Variants in LYSMD1 observed in about 807,000 individuals in gnomAD.
LYSMD1 encodes lysM and putative peptidoglycan-binding domain-containing protein 1.
A neutral mutation model predicts 19.3 loss-of-function variants in LYSMD1; 9 were observed. The ratio of observed to expected loss-of-function variants is 0.47; its 90% confidence interval spans 0.28 to 0.81. The LOEUF is 0.81. Among genes scored for constraint, LYSMD1 ranks in the 40% least tolerant of loss-of-function variants. LYSMD1 has a pLI of 0.11. For missense variants in LYSMD1, 262 were observed against 279.8 expected (o/e 0.94, Z 0.45); for synonymous variants, 111 against 111.7 (o/e 0.99, Z 0.04).
At chr1:151,156,155 G>A (rs1159952290), downstream of LYSMD1, among the ~76,000 whole-genome samples, 11 of 142,076 alleles carry the variant, frequency 7.7e-5, no homozygotes, top group Admixed American at 1.4e-4. Flanking sequence ...GTTCCTCTAC[G>A]CTAGTGATTC....
chr1:151,153,740 G>A, the LYSMD1 span, among the ~76,000 whole-genome samples: 1 of 151,668 alleles, frequency 6.6e-6, no homozygotes, highest in South Asian at 2.1e-4. Context: ...GGATCACGAT[G>A]TCAGGAGTTC....
chr1:151,157,493 G>T (rs1558198139), downstream of LYSMD1, among the ~76,000 whole-genome samples: 1 of 152,172 alleles, frequency 6.6e-6, no homozygotes, highest in Non-Finnish European at 1.5e-5. Flanking sequence ...CACCAAGAGG[G>T]TCCTGAGTTC....
At position 151,163,810 on chromosome 1, in the gene LYSMD1, G is replaced by A. The variant is rs587715403; in HGVS notation, c.180+1269C>T. ...CCCAAAGTGCTGGGATTACAGGCAT[G>A]AGCCACCACGCCTGGCCCACCACAG... On this transcript the variant is annotated intron_variant, in intron 1 of 2. Transcript: ENST00000368908. Among the ~76,000 whole-genome samples the A allele has an allele frequency of 2.0e-5, 3 of 152,188 alleles. No individual in the cohort carries two copies. The South Asian group carries it at 6.2e-4, about 32-fold the overall frequency.
downstream of LYSMD1, among the ~76,000 whole-genome samples, chr1:151,154,896 G>A (rs111822515): frequency 5.8e-4 from 88 of 152,124 alleles, no homozygotes; most frequent in Admixed American, 1.3e-3. Context: ...CGCCCACCTC[G>A]GTGTCCCAAA....
the LYSMD1 span, among the ~76,000 whole-genome samples, chr1:151,153,339 A>C: frequency 6.6e-6 from 1 of 152,238 alleles, no homozygotes; most frequent in South Asian, 2.1e-4. Flanking sequence ...AGCCTGGGCA[A>C]GATAGCAAGA....
At chr1:151,149,702 G>A in the LYSMD1 span, among the ~76,000 whole-genome samples, 5 of 152,078 alleles carry the variant, frequency 3.3e-5, no homozygotes, top group African/African-American at 1.2e-4. Flanking sequence ...AGTGAGCCGA[G>A]ATCGCACCAC....
chr1:151,150,263 G>T, the LYSMD1 span, among the ~76,000 whole-genome samples: 1 of 152,136 alleles, frequency 6.6e-6, no homozygotes, highest in African/African-American at 2.4e-5. Flanking sequence ...GTCTTAACCT[G>T]TCCTTTTCTA....
At chr1:151,159,211 T>G (rs1213877382), downstream of LYSMD1, 5 of 1,613,934 alleles carry the variant, frequency 3.1e-6, no homozygotes, top group Non-Finnish European at 4.2e-6. Context: ...TGGCAAGATC[T>G]GTGACGGACT....
chr1:151,160,939 G>C lies in LYSMD1; in HGVS notation c.627C>G (p.Thr209=). ...GTAGTGTCCGGGTCCGAGAGGTACG[G>C]GTCAGCGGCACAGGACCTAGGACTG... ...QRAVLGPVPL[T]RTSRTRTLRD... The change falls in exon 3 of 3, where the codon ACC becomes ACG. Residue 209 remains threonine (T), a synonymous_variant. Transcript: ENST00000368908. The C allele has an allele frequency of 1.2e-6, 2 of 1,614,174 alleles. No homozygotes were observed.
the LYSMD1 span, among the ~76,000 whole-genome samples, chr1:151,151,277 C>T: frequency 6.6e-6 from 1 of 151,746 alleles, no homozygotes; most frequent in Non-Finnish European, 1.5e-5. Flanking sequence ...GCAAGTTCCG[C>T]CTCCCGGGTT....
downstream of LYSMD1, among the ~76,000 whole-genome samples, chr1:151,158,459 G>A (rs1052023405): frequency 3.9e-5 from 6 of 151,920 alleles, no homozygotes; most frequent in African/African-American, 9.7e-5. Context: ...CGGGGCTATC[G>A]CCACTCCCGT....
chr1:151,163,878 TTGTGTGTGTG>T (rs57906452), intron 1 of LYSMD1, among the ~76,000 whole-genome samples: 12,378 of 141,994 alleles, frequency 0.087, 601 homozygotes, highest in African/African-American at 0.14. Context: ...TTTCCTATCT[TTGTGTGTGTG>T]TGTGTGTGTG....
chr1:151,153,733 TCA>T, the LYSMD1 span, among the ~76,000 whole-genome samples: 26 of 151,680 alleles, frequency 1.7e-4, 1 homozygote, highest in South Asian at 5.4e-3. Context: ...GGTGGGTGGA[TCA>T]CGATGTCAGG....
chr1:151,161,886 C>T lies in LYSMD1; in HGVS notation c.395G>A (p.Arg132His), dbSNP rs77292984. ...TGTGGGGAGGACTTCACCATTGGCA[C>T]GTCCTGCTCCTGTCTCTTGTTTCTT... ...ERKKQETGAG[R>H]ANGEVLPTPG... is the part of the protein sequence containing the mutation. The change falls in exon 2 of 3, where the codon CGT becomes CAT. Residue 132 changes from arginine (R) to histidine (H), a missense_variant. Arg to His is a conservative substitution (Grantham distance 29). Coordinates refer to ENST00000368908, the MANE Select transcript of LYSMD1 (RefSeq NM_212551.5). The T allele has an allele frequency of 1.3e-3, 2,107 of 1,614,008 alleles. 6 individuals carry two copies. The highest frequency in any genetic ancestry group is 0.011 in the African/African-American group (819 of 74,970).
At chr1:151,163,506 A>C (rs1683530094) in intron 1 of LYSMD1, among the ~76,000 whole-genome samples, 1 of 152,008 alleles carries the variant, frequency 6.6e-6, no homozygotes, top group Admixed American at 6.6e-5. Flanking sequence ...CTACAGATAT[A>C]GTGTATTCGT....
chr1:151,158,027 T>G (rs1683284116), downstream of LYSMD1, among the ~76,000 whole-genome samples: 1 of 152,114 alleles, frequency 6.6e-6, no homozygotes, highest in Non-Finnish European at 1.5e-5. Context: ...AAATGGTAGC[T>G]GTAAGAATTC....
chr1:151,161,954 T>C lies in LYSMD1; in HGVS notation c.327A>G (p.Val109=), dbSNP rs1226053241. Residue 109 remains valine, a synonymous_variant, in exon 2 of 3, where the codon GTA becomes GTG. Transcript: ENST00000368908. ...GCCAAACTTCACTGTTACTTGGGTG[T>C]ACTTTTTCCTCTCCATCTTTCTCTT... ...SEEEKDGEEK[V]HPSNSEVWPH... 1 of 1,614,226 alleles carries C rather than the reference T, an allele frequency of 6.2e-7. No individual in the cohort carries two copies. The highest frequency in any genetic ancestry group is 1.7e-5 in the Admixed American group (1 of 60,024).
Position 151,161,960 on chromosome 1 carries a change from T to G in LYSMD1, c.321A>C (p.Glu107Asp). Reference sequence around the variant, plus strand: ...CTTCACTGTTACTTGGGTGTACTTTTTCCTCTCCATCTTTCTCTTCCTCAG... The same window carrying G: ...CTTCACTGTTACTTGGGTGTACTTTGTCCTCTCCATCTTTCTCTTCCTCAG... The part of the protein sequence containing the change: ...LDSEEEKDGE[E>D]KVHPSNSEVW... Residue 107 changes from glutamate (E) to aspartate (D), a missense_variant, in exon 2 of 3, where the codon GAA (glutamate) becomes GAC (aspartate). Physicochemically the swap from Glu to Asp is conservative, Grantham distance 45. Transcript: ENST00000368908. 6.2e-7 allele frequency: 1 copy of G among 1,614,180 alleles called. No individual in the cohort carries two copies. Among genetic ancestry groups the G allele is most frequent in the Non-Finnish European group, 8.5e-7 (1 of 1,180,028 alleles).
the LYSMD1 span, among the ~76,000 whole-genome samples, chr1:151,153,100 T>G: frequency 6.2e-4 from 95 of 152,380 alleles, no homozygotes; most frequent in Middle Eastern, 0.01. Context: ...TTCTGTCTTC[T>G]GTAAGTGGAC....
Sources: gnomAD v4.1 joint callset for allele counts (sites outside exome capture counted in the v4.1 genomes callset) on GRCh38, gnomAD v4.1.1 for gene constraint, MANE v1.5 for transcripts, NCBI Gene and HGNC (gene_info 2026-07-23, HGNC 2026-07-21) for gene names.